The following EXOC4 variants were observed in gnomAD, a reference collection of about 807,000 sequenced individuals.
EXOC4 encodes the protein exocyst complex component 4.
In EXOC4, 71 loss-of-function variants were observed where a neutral mutation model predicts 107.2. That is an observed-to-expected ratio of 0.66 (90% CI 0.55 to 0.81). The LOEUF (loss-of-function observed/expected upper bound fraction) is 0.81. Ranked by LOEUF, EXOC4 falls within the 30% of genes least tolerant of loss-of-function variation. EXOC4 has a pLI of 0.00. For missense variants in EXOC4, 1,108 were observed against 1,189.6 expected (o/e 0.93, Z 1.01); for synonymous variants, 456 against 441.2 (o/e 1.03, Z -0.42).
At chr7:133,874,207 A>C (rs1437123421) in intron 11 of EXOC4, among the ~76,000 whole-genome samples, 2 of 152,184 alleles carry the variant, frequency 1.3e-5, no homozygotes, top group East Asian at 3.9e-4. Context: ...TCTCAAAGTC[A>C]ATGTTAAAAT....
intron 11 of EXOC4, among the ~76,000 whole-genome samples, chr7:133,871,400 C>T (rs541660138): frequency 2.6e-5 from 4 of 152,200 alleles, no homozygotes; most frequent in South Asian, 4.2e-4. Flanking sequence ...GCTAGTCATG[C>T]TCTTCTTCTG....
In EXOC4 at chr7:133,350,817, G is replaced by A. The variant is rs534938410; in HGVS notation, c.764-5513G>A. ...TTAACAGTAGTAAGTCTTCCAGTCC[G>A]TGCACATGGGATGCGTTTCCATTCA... On this transcript the variant is annotated intron_variant, in intron 5 of 17. Transcript: ENST00000253861. Among the ~76,000 whole-genome samples, 13 of 152,006 alleles carry A rather than the reference G, an allele frequency of 8.6e-5. No homozygotes were observed. In the East Asian group the frequency reaches 1.9e-3, roughly 23 times the overall value.
At chr7:133,502,581 A>G (rs1044537612) in intron 9 of EXOC4, among the ~76,000 whole-genome samples, 1 of 151,988 alleles carries the variant, frequency 6.6e-6, no homozygotes, top group Non-Finnish European at 1.5e-5. Context: ...AATTTTTTCA[A>G]GTCACTCAAG....
intron 7 of EXOC4, among the ~76,000 whole-genome samples, chr7:133,436,513 A>C (rs963519568): frequency 6.6e-6 from 1 of 152,044 alleles, no homozygotes; most frequent in Non-Finnish European, 1.5e-5. Context: ...AAAAAAAAAA[A>C]ACCCTAATAT....
At chr7:133,672,571 G>A (rs1793972052) in intron 10 of EXOC4, among the ~76,000 whole-genome samples, 1 of 152,074 alleles carries the variant, frequency 6.6e-6, no homozygotes, top group Admixed American at 6.5e-5. Context: ...TTGTGAGACT[G>A]GATAAGTCCA....
intron 5 of EXOC4, among the ~76,000 whole-genome samples, chr7:133,348,348 C>A (rs1049980632): frequency 1.3e-5 from 2 of 152,154 alleles, no homozygotes; most frequent in Non-Finnish European, 1.5e-5. Flanking sequence ...GGGGCTGTGT[C>A]ATTTTATTAT....
intron 1 of EXOC4, among the ~76,000 whole-genome samples, chr7:133,255,191 T>TTTTCTTTTCTTTTCTTTTC (rs1554425301): frequency 2.6e-5 from 4 of 151,536 alleles, no homozygotes; most frequent in African/African-American, 9.8e-5. Context: ...CTTTTCTTTT[T>TTTTCTTTTCTTTTCTTTTC]TTTTGAGACA....
chr7:133,438,111 T>A (rs1447935483), intron 7 of EXOC4, among the ~76,000 whole-genome samples: 1 of 152,240 alleles, frequency 6.6e-6, no homozygotes, highest in African/African-American at 2.4e-5. Context: ...AGTTCAGATC[T>A]GTCTTTGTCT....
chr7:134,051,616 G>A (rs1227752973), intron 17 of EXOC4, among the ~76,000 whole-genome samples: 1 of 150,628 alleles, frequency 6.6e-6, no homozygotes, highest in Non-Finnish European at 1.5e-5. Context: ...AGGTTGCAGT[G>A]AGCCGAGATC....
intron 9 of EXOC4, among the ~76,000 whole-genome samples, chr7:133,499,946 C>T (rs375785400): frequency 1.6e-4 from 25 of 151,692 alleles, no homozygotes; most frequent in East Asian, 1.2e-3. Flanking sequence ...TTCTTGATAG[C>T]GGTGTGAGAA....
intron 9 of EXOC4, among the ~76,000 whole-genome samples, chr7:133,487,536 C>CT (rs1799291111): frequency 6.6e-6 from 1 of 152,134 alleles, no homozygotes; most frequent in Non-Finnish European, 1.5e-5. Flanking sequence ...TGGTGAAACT[C>CT]TGTCTCTACT....
chr7:133,945,753 G>A (rs554467080), intron 14 of EXOC4, among the ~76,000 whole-genome samples: 4 of 152,284 alleles, frequency 2.6e-5, no homozygotes, highest in African/African-American at 7.2e-5. Context: ...ATGCATTCCC[G>A]ATGGTGACTT....
chr7:133,950,581 G>A (rs931104962), intron 14 of EXOC4, among the ~76,000 whole-genome samples: 5 of 152,158 alleles, frequency 3.3e-5, no homozygotes, highest in East Asian at 3.8e-4. Flanking sequence ...ATAGAACTTC[G>A]TTCAAGAAGT....
At chr7:133,437,693 A>G (rs1798007660) in intron 7 of EXOC4, among the ~76,000 whole-genome samples, 1 of 152,166 alleles carries the variant, frequency 6.6e-6, no homozygotes, top group Non-Finnish European at 1.5e-5. Flanking sequence ...AAGTGTGTGC[A>G]TGAATTCCCT....
At chr7:134,071,563 C>A (rs995552033), downstream of EXOC4, among the ~76,000 whole-genome samples, 1 of 152,152 alleles carries the variant, frequency 6.6e-6, no homozygotes, top group Admixed American at 6.5e-5. Flanking sequence ...TTCATAACTT[C>A]TTTTTCTTTG....
chr7:134,021,363 A>G (rs941326825), intron 17 of EXOC4, among the ~76,000 whole-genome samples: 1 of 152,200 alleles, frequency 6.6e-6, no homozygotes, highest in African/African-American at 2.4e-5. Context: ...CACGTACAGG[A>G]GAGTAAAACA....
chr7:133,506,581 A>G (rs1799669930), intron 9 of EXOC4, among the ~76,000 whole-genome samples: 1 of 152,134 alleles, frequency 6.6e-6, no homozygotes, highest in African/African-American at 2.4e-5. Flanking sequence ...TACTCCTTTA[A>G]TATAGAAGAT....
chr7:133,802,113 A>AT (rs1796958610), intron 10 of EXOC4, among the ~76,000 whole-genome samples: 1 of 152,172 alleles, frequency 6.6e-6, no homozygotes, highest in Admixed American at 6.5e-5. Context: ...GGGCTTTGCC[A>AT]TTTTTAGGAT....
chr7:133,267,380 C>T (rs1793756552), intron 1 of EXOC4, among the ~76,000 whole-genome samples: 1 of 152,188 alleles, frequency 6.6e-6, no homozygotes, highest in Non-Finnish European at 1.5e-5. Flanking sequence ...ACCTCCTTGC[C>T]ATTCCATGTT....
Sources: allele counts gnomAD v4.1 joint callset (sites outside exome capture counted in the v4.1 genomes callset), GRCh38; gene constraint gnomAD v4.1.1; transcripts MANE v1.5; gene names NCBI Gene and HGNC (gene_info 2026-07-23, HGNC 2026-07-21).